The following MAGEA11 variants were observed in gnomAD, a reference collection of about 807,000 sequenced individuals.
MAGEA11 encodes the protein MAGE family member A11, also known as melanoma-associated antigen 11.
Under a neutral mutation model 8.4 loss-of-function variants are expected in MAGEA11, and 1 was observed. The ratio of observed to expected loss-of-function variants is 0.12; its 90% CI spans 0.04 to 0.57. The LOEUF is 0.57. Among genes scored for constraint, MAGEA11 ranks in the 20% least tolerant of loss-of-function variants. The pLI is 0.91. For synonymous variants in MAGEA11, 127 were observed against 119.3 expected (o/e 1.06, Z -0.42); for missense variants, 209 against 317.3 (o/e 0.66, Z 2.59).
chrX:149,711,820 A>C, upstream of MAGEA11: 2 of 751,264 alleles, frequency 2.7e-6, no homozygotes. Context: ...CAGAGGACGG[A>C]GCTCCAGGCT....
intron 1 of MAGEA11, among the ~76,000 whole-genome samples, chrX:149,703,860 T>C (rs1557361200): frequency 1.8e-5 from 2 of 112,266 alleles, no homozygotes; most frequent in East Asian, 2.8e-4. Flanking sequence ...ACAAGTGGCA[T>C]GTTATATGAT....
At chrX:149,695,666 T>C (rs2090327763) in intron 1 of MAGEA11, among the ~76,000 whole-genome samples, 1 of 112,221 alleles carries the variant, frequency 8.9e-6, no homozygotes, top group South Asian at 3.7e-4. Flanking sequence ...CGTTAGTCAC[T>C]AGGGAAATGC....
intron 1 of MAGEA11, among the ~76,000 whole-genome samples, chrX:149,693,346 C>T (rs985769378): frequency 7.2e-5 from 8 of 111,149 alleles, no homozygotes; most frequent in African/African-American, 2.3e-4. Context: ...GTAGTTTAGC[C>T]GGGTTTAGGC....
intron 1 of MAGEA11, among the ~76,000 whole-genome samples, chrX:149,705,990 T>C (rs1266829010): frequency 8.9e-6 from 1 of 112,201 alleles, no homozygotes; most frequent in Non-Finnish European, 1.9e-5. Context: ...ACAGTTGTCA[T>C]CCTGGAGTGC....
intron 1 of MAGEA11, among the ~76,000 whole-genome samples, chrX:149,703,207 A>T (rs1354618672): frequency 8.9e-6 from 1 of 112,663 alleles, no homozygotes; most frequent in Non-Finnish European, 1.9e-5. Flanking sequence ...AATTTAAGAT[A>T]GGGAGAAAAG....
chrX:149,700,453 CT>C (rs1352289477), intron 1 of MAGEA11, among the ~76,000 whole-genome samples: 3 of 110,468 alleles, frequency 2.7e-5, no homozygotes, highest in African/African-American at 9.9e-5. Flanking sequence ...GTGATTTTTT[CT>C]TTTGCCCGTT....
Position 149,715,835 on chromosome X carries a change from A to C in MAGEA11, c.349A>C (p.Ser117Arg). Residue 117 changes from serine to arginine, a missense_variant, in exon 5 of 5, where the codon AGT becomes CGT. Ser to Arg is a moderately radical substitution (Grantham distance 110). Transcript: ENST00000355220. Reference sequence around the variant, plus strand: ...AGTCATCATGCCTCTTGAGCAAAGAAGTCAGCACTGCAAGCCTGAGGAAGG... The same window carrying C: ...AGTCATCATGCCTCTTGAGCAAAGACGTCAGCACTGCAAGCCTGAGGAAGG... ...TRVIMPLEQRSQHCKPEEGLQ... is the reference protein window; with the variant it reads ...TRVIMPLEQRRQHCKPEEGLQ... 1 of 1,210,855 alleles carries C rather than the reference A, an allele frequency of 8.3e-7. No homozygotes were observed. The highest frequency in any genetic ancestry group is 1.7e-5 in the African/African-American group (1 of 57,748).
chrX:149,699,792 A>G (rs1486537552), intron 1 of MAGEA11, among the ~76,000 whole-genome samples: 1 of 111,734 alleles, frequency 8.9e-6, no homozygotes, highest in East Asian at 2.8e-4. Flanking sequence ...TCACACCACT[A>G]TAAAGAATAT....
chrX:149,712,591 G>C lies in MAGEA11; in HGVS notation c.-18+429G>C, dbSNP rs376132694. 8.1e-5 allele frequency among the ~76,000 whole-genome samples: 9 copies of C among 111,512 alleles called. No individual in the cohort carries two copies. The South Asian group carries it at 3.1e-3, about 38-fold the overall frequency. On this transcript the variant is annotated intron_variant, in intron 1 of 4. Coordinates refer to ENST00000355220, the MANE Select transcript of MAGEA11 (RefSeq NM_005366.5). ...GCAGCGGGCCCAGGCTCTGTGAGGAGGCAAGATGAGATGCTGAGGGAGGAC... is the reference window on the plus strand; with the variant it reads ...GCAGCGGGCCCAGGCTCTGTGAGGACGCAAGATGAGATGCTGAGGGAGGAC...
At chrX:149,714,204 G>A (rs781998138) in intron 2 of MAGEA11, 7 of 319,076 alleles carry the variant, frequency 2.2e-5, no homozygotes, top group South Asian at 2.0e-4. Flanking sequence ...ACCTCATCAC[G>A]GGTGGCCCCA....
intron 1 of MAGEA11, chrX:149,689,118 G>A (rs1557359923): frequency 1.9e-6 from 1 of 538,365 alleles, no homozygotes; most frequent in Non-Finnish European, 2.9e-6. Context: ...GCCTCCCATG[G>A]TTTCTGCGTC....
At chrX:149,690,972 T>C (rs1194057766) in intron 1 of MAGEA11, among the ~76,000 whole-genome samples, 1 of 112,205 alleles carries the variant, frequency 8.9e-6, no homozygotes, top group African/African-American at 3.2e-5. Flanking sequence ...TACTCTCCTC[T>C]GGCTTTCATT....
chrX:149,694,969 C>T (rs2090325073), intron 1 of MAGEA11, among the ~76,000 whole-genome samples: 1 of 111,721 alleles, frequency 9.0e-6, no homozygotes, highest in Admixed American at 9.5e-5. Context: ...GATCTGCCCA[C>T]CTTGGATTTC....
chrX:149,694,687 T>C (rs1216282643), intron 1 of MAGEA11, among the ~76,000 whole-genome samples: 2 of 111,825 alleles, frequency 1.8e-5, no homozygotes, highest in Non-Finnish European at 3.8e-5. Context: ...CTTTTCTCTT[T>C]ATTTCTTTTC....
At chrX:149,708,031 T>G (rs782522206), upstream of MAGEA11, among the ~76,000 whole-genome samples, 72 of 112,481 alleles carry the variant, frequency 6.4e-4, no homozygotes, top group Middle Eastern at 4.6e-3. Flanking sequence ...CTTTGTCAGA[T>G]GCGTAGTTGG....
upstream of MAGEA11, among the ~76,000 whole-genome samples, chrX:149,707,774 C>T (rs1323407776): frequency 1.8e-5 from 2 of 112,133 alleles, no homozygotes; most frequent in African/African-American, 6.5e-5. Context: ...TTTCTCCTCC[C>T]AGGTCAGTCC....
upstream of MAGEA11, among the ~76,000 whole-genome samples, chrX:149,688,459 C>G (rs782497114): frequency 3.6e-5 from 4 of 111,625 alleles, no homozygotes; most frequent in Non-Finnish European, 5.6e-5. Flanking sequence ...GCCTAAAGCA[C>G]TCCAACATTA....
At position 149,714,616 on chromosome X, in the gene MAGEA11, A is replaced by G. The variant is rs148303702; in HGVS notation, c.192+40A>G. 4,788 of 1,198,610 alleles carry G rather than the reference A, an allele frequency of 4.0e-3. 129 individuals are homozygous for G. The African/African-American group carries it at 0.074, about 19-fold the overall frequency. On this transcript the variant is annotated intron_variant, in intron 3 of 4. Coordinates refer to ENST00000355220, the MANE Select transcript of MAGEA11 (RefSeq NM_005366.5). Reference sequence around the variant, plus strand: ...GGAGGATTGAGGGTTCCTCCTGGCCAGAACACAGAGGGCTGCTTAGAAATC... The same window carrying G: ...GGAGGATTGAGGGTTCCTCCTGGCCGGAACACAGAGGGCTGCTTAGAAATC...
chrX:149,695,652 A>G (rs2090327673), intron 1 of MAGEA11, among the ~76,000 whole-genome samples: 1 of 112,418 alleles, frequency 8.9e-6, no homozygotes, highest in African/African-American at 3.2e-5. Flanking sequence ...AGGATGCTCA[A>G]CTTCGTTAGT....
Sources: gnomAD v4.1 joint callset for allele counts (sites outside exome capture counted in the v4.1 genomes callset) on GRCh38, gnomAD v4.1.1 for gene constraint, MANE v1.5 for transcripts, NCBI Gene and HGNC (gene_info 2026-07-23, HGNC 2026-07-21) for gene names.